Variants in KIF21A observed in about 807,000 individuals in gnomAD.
The protein encoded by KIF21A is kinesin-like protein KIF21A.
KIF21A carries 114 observed loss-of-function variants against 202.9 expected under a neutral mutation model. The ratio of observed to expected loss-of-function variants is 0.56; its 90% CI spans 0.48 to 0.66. The LOEUF is 0.66. Among genes scored for constraint, KIF21A ranks in the 30% least tolerant of loss-of-function variants. KIF21A has a pLI of 0.00. For missense variants in KIF21A, 1,677 were observed against 1,994.9 expected (o/e 0.84, Z 3.04); for synonymous variants, 667 against 670.8 (o/e 0.99, Z 0.09).
intron 35 of KIF21A, among the ~76,000 whole-genome samples, chr12:39,304,485 T>C (rs1943261467): frequency 6.6e-6 from 1 of 152,248 alleles, no homozygotes; most frequent in South Asian, 2.1e-4. Context: ...AAACTATGCA[T>C]CTTTCCTTAC....
rs1353245501 is a variant in KIF21A, at chr12:39,319,903, T to G, written c.3779+3A>C. The G allele has an allele frequency of 1.9e-6, 3 of 1,558,748 alleles. No individual in the cohort carries two copies. In the East Asian group the frequency reaches 6.7e-5, roughly 35 times the overall value. On this transcript the variant is annotated splice_donor_region_variant and intron_variant, in intron 28 of 37. Coordinates refer to ENST00000361418, the MANE Select transcript of KIF21A (RefSeq NM_001173464.2). ...TAGCAGGTAAAAAACATTAGTCACT[T>G]ACTGCTTTTGTTCCTTGGCCTTTGA... is the stretch of plus-strand genomic sequence containing the variant.
chr12:39,357,212 A>T (rs1565938964), intron 9 of KIF21A, 36 bp downstream of exon 9: 1 of 1,575,392 alleles, frequency 6.3e-7, no homozygotes, highest in South Asian at 1.1e-5. Flanking sequence ...GCCCTCCAGA[A>T]GTTAATCCCT....
rs371582303 is a variant in KIF21A at position 39,337,107 on chromosome 12, G to T, written c.2407C>A (p.Arg803Ser). ...REIAQLKKDQRKRDHQLRLLE... is the reference protein window; with the variant it reads ...REIAQLKKDQSKRDHQLRLLE... The stretch of plus-strand genomic sequence containing the variant: ...TAAAATCCACTTACATCTCTTTTAC[G>T]TTGATCCTTTTTCAACTGAGCAATC... The change falls in exon 17 of 38, where the codon CGT becomes AGT. Residue 803 changes from arginine to serine, a missense_variant. Physicochemically the swap from Arg to Ser is moderately radical, Grantham distance 110. Transcript: ENST00000361418. The T allele has an allele frequency of 5.6e-6, 9 of 1,597,476 alleles. No homozygotes were observed. In the African/African-American group the frequency reaches 1.2e-4, roughly 21 times the overall value.
At chr12:39,420,248 CA>C (rs1954141438) in intron 1 of KIF21A, among the ~76,000 whole-genome samples, 1 of 151,876 alleles carries the variant, frequency 6.6e-6, no homozygotes, top group African/African-American at 2.4e-5. Flanking sequence ...AAGTTGACTA[CA>C]GGGGCAAAGG....
intron 3 of KIF21A, among the ~76,000 whole-genome samples, chr12:39,369,408 C>T (rs572999689): frequency 1.3e-5 from 2 of 152,034 alleles, no homozygotes; most frequent in South Asian, 2.1e-4. Context: ...TGCAGTGAGC[C>T]GAAATGGTGC....
intron 11 of KIF21A, among the ~76,000 whole-genome samples, chr12:39,347,874 T>C (rs1468547062): frequency 6.6e-6 from 1 of 151,990 alleles, no homozygotes; most frequent in Non-Finnish European, 1.5e-5. Flanking sequence ...TCCAAAAATA[T>C]GGGATTTAAT....
intron 25 of KIF21A, among the ~76,000 whole-genome samples, 177 bp downstream of exon 25, chr12:39,326,087 A>T (rs1046108397): frequency 1.2e-4 from 19 of 152,206 alleles, no homozygotes; most frequent in African/African-American, 4.3e-4. Context: ...TTTTCATTTT[A>T]AAATTTATGA....
intron 24 of KIF21A, 78 bp from the exon 25 acceptor site, chr12:39,326,402 T>A: frequency 1.1e-6 from 1 of 931,470 alleles, no homozygotes; most frequent in Non-Finnish European, 1.8e-6. Context: ...TAGGCTGTAA[T>A]AAACAACAGC....
intron 1 of KIF21A, among the ~76,000 whole-genome samples, chr12:39,373,719 G>A (rs1297247459): frequency 6.6e-6 from 1 of 152,078 alleles, no homozygotes; most frequent in Non-Finnish European, 1.5e-5. Context: ...GAAAAACTAG[G>A]TGCCATTTGA....
intron 1 of KIF21A, among the ~76,000 whole-genome samples, chr12:39,371,165 A>C (rs146349168): frequency 6.6e-6 from 1 of 152,192 alleles, no homozygotes; most frequent in Non-Finnish European, 1.5e-5. Context: ...ATTTTTCTGA[A>C]TATTTTCAAT....
At chr12:39,406,143 A>G (rs1452698207) in intron 1 of KIF21A, among the ~76,000 whole-genome samples, 1 of 151,972 alleles carries the variant, frequency 6.6e-6, no homozygotes, top group Admixed American at 6.6e-5. Context: ...ATTCTCTAAC[A>G]GCACCCCACT....
intron 1 of KIF21A, among the ~76,000 whole-genome samples, chr12:39,428,818 C>T (rs1184377612): frequency 1.3e-5 from 2 of 151,912 alleles, no homozygotes; most frequent in South Asian, 2.1e-4. Context: ...ATTAGCTGGA[C>T]GTGGTGGCGT....
intron 1 of KIF21A, among the ~76,000 whole-genome samples, chr12:39,379,737 C>T (rs1027248693): frequency 6.6e-5 from 10 of 152,150 alleles, no homozygotes; most frequent in Non-Finnish European, 1.3e-4. Flanking sequence ...GTCCCTCTCC[C>T]AAAGGCCACA....
chr12:39,393,274 C>A (rs1951504234), intron 1 of KIF21A, among the ~76,000 whole-genome samples: 1 of 152,090 alleles, frequency 6.6e-6, no homozygotes, highest in Non-Finnish European at 1.5e-5. Context: ...TTTCTAGACA[C>A]AAATGAAGGC....
At chr12:39,349,001 CA>C (rs1355974172) in intron 11 of KIF21A, among the ~76,000 whole-genome samples, 1 of 151,778 alleles carries the variant, frequency 6.6e-6, no homozygotes, top group East Asian at 1.9e-4. Flanking sequence ...TTAAGGAGAT[CA>C]GAGAAAAAAA....
Position 39,406,975 on chromosome 12 carries a change from A to G in KIF21A, c.44+35952T>C, listed in dbSNP as rs575152915. ...TAAAACTTCATCTTCCCACTCCAAAATCTACCCATATACTTTGCTTTCAAT... is the reference window on the plus strand; with the variant it reads ...TAAAACTTCATCTTCCCACTCCAAAGTCTACCCATATACTTTGCTTTCAAT... On this transcript the variant is annotated intron_variant, in intron 1 of 37. Coordinates refer to ENST00000361418, the MANE Select transcript of KIF21A (RefSeq NM_001173464.2). Among the ~76,000 whole-genome samples the G allele has an allele frequency of 9.9e-5, 15 of 152,234 alleles. No individual in the cohort carries two copies. The South Asian group carries it at 2.9e-3, about 30-fold the overall frequency.
At chr12:39,299,943 C>A (rs1273375419) in intron 37 of KIF21A, among the ~76,000 whole-genome samples, 3 of 151,686 alleles carry the variant, frequency 2.0e-5, no homozygotes, top group Non-Finnish European at 4.4e-5. Flanking sequence ...GACACTGGGG[C>A]CTATTTGAGG....
chr12:39,305,314 C>T (rs926087968), intron 34 of KIF21A, among the ~76,000 whole-genome samples: 9 of 146,056 alleles, frequency 6.2e-5, no homozygotes, highest in Admixed American at 5.0e-4. Context: ...TGCAGCAAGC[C>T]GAGATTGAGC....
intron 31 of KIF21A, among the ~76,000 whole-genome samples, chr12:39,313,356 C>T (rs1400067330): frequency 6.6e-6 from 1 of 151,764 alleles, no homozygotes. Context: ...TGTTCACCAA[C>T]AAAAGATAAC....
Sources: allele counts gnomAD v4.1 joint callset (sites outside exome capture counted in the v4.1 genomes callset), GRCh38; gene constraint gnomAD v4.1.1; transcripts MANE v1.5; gene names NCBI Gene and HGNC (gene_info 2026-07-23, HGNC 2026-07-21).